Variants in PPID observed in about 807,000 individuals in gnomAD.
PPID encodes the protein peptidyl-prolyl cis-trans isomerase D.
A neutral mutation model predicts 48.1 loss-of-function variants in PPID; 47 were observed. That is an observed-to-expected ratio of 0.98 (90% confidence interval 0.77 to 1.25). The LOEUF is 1.25. Among genes scored for constraint, PPID ranks in the 50% most tolerant of loss-of-function variants. PPID has a pLI of 0.00. For missense variants in PPID, 429 were observed against 443.5 expected (o/e 0.97, Z 0.29); for synonymous variants, 163 against 148.8 (o/e 1.10, Z -0.69).
intron 1 of PPID, among the ~76,000 whole-genome samples, chr4:158,722,236 T>C (rs1774974550): frequency 6.6e-6 from 1 of 152,230 alleles, no homozygotes; most frequent in Non-Finnish European, 1.5e-5. Context: ...TACAAATAGT[T>C]TTAAATCCTG....
rs1774816024 is a variant in PPID, at chr4:158,713,119, C to G, written c.894G>C (p.Glu298Asp). The change falls in exon 7 of 10, where the codon GAG becomes GAC. Residue 298 changes from glutamate (E) to aspartate (D), a missense_variant and splice_region_variant. Transcript: ENST00000307720. ...AAAGTTCAAAATCAAACAGACTTACCTCTAAACAACTGTCAATTGCTCCCT... is the reference window on the plus strand; with the variant it reads ...AAAGTTCAAAATCAAACAGACTTACGTCTAAACAACTGTCAATTGCTCCCT... ...NWQGAIDSCL[E>D]ALELDPSNTK... The G allele has an allele frequency of 1.2e-6, 2 of 1,613,806 alleles. No homozygotes were observed. The highest frequency in any genetic ancestry group is 1.7e-5 in the Admixed American group (1 of 60,000).
rs1340569084 is a variant in PPID, at chr4:158,723,206, C to A, written c.83G>T (p.Arg28Leu). The A allele has an allele frequency of 6.2e-7, 1 of 1,613,116 alleles. No homozygotes were observed. Among genetic ancestry groups the A allele is most frequent in the Non-Finnish European group, 8.5e-7 (1 of 1,179,576 alleles). ...VFFDVDIGGE[R>L]VGRIVLELFA... ...CGCGAGCGTCAGACTCCGCTCACCT[C>A]GCTCCCCTCCGATGTCCACGTCAAA... The change falls in exon 1 of 10, where the codon CGA (arginine) becomes CTA (leucine). Residue 28 changes from arginine (R) to leucine (L), a missense_variant and splice_region_variant. By Grantham distance (102) the Arg-to-Leu change is moderately radical (BLOSUM62 -2). Transcript: ENST00000307720.
intron 2 of PPID, 148 bp downstream of exon 2, chr4:158,721,195 C>A (rs1774953093): frequency 2.2e-6 from 2 of 926,786 alleles, no homozygotes; most frequent in East Asian, 5.3e-5. Context: ...CACAGCCTAA[C>A]CTTTACGAAA....
intron 1 of PPID, 52 bp from the exon 2 acceptor site, chr4:158,721,535 G>A: frequency 6.4e-7 from 1 of 1,569,026 alleles, no homozygotes; most frequent in South Asian, 1.2e-5. Context: ...ATAGACAAAT[G>A]ATAAAAAGAA....
intron 3 of PPID, among the ~76,000 whole-genome samples, chr4:158,718,105 A>G (rs144795014): frequency 1.6e-3 from 246 of 152,274 alleles, no homozygotes; most frequent in African/African-American, 5.8e-3. Context: ...CCTTTTCTCT[A>G]TGTCAATGTG....
In PPID at chr4:158,715,703, A is replaced by T. The variant is rs865848748; in HGVS notation, c.523-19T>A. 4 of 1,599,048 alleles carry T rather than the reference A, an allele frequency of 2.5e-6. No homozygotes were observed. Among genetic ancestry groups the T allele is most frequent in the Non-Finnish European group, 3.4e-6 (4 of 1,166,524 alleles). ...CGCACAACTGTAAAAATAACCCTAAATTGTAGAAGTGCACTATCGTAATAA... is the reference window on the plus strand; with the variant it reads ...CGCACAACTGTAAAAATAACCCTAATTTGTAGAAGTGCACTATCGTAATAA... On this transcript the variant is annotated intron_variant, in intron 4 of 9. Coordinates refer to ENST00000307720, the MANE Select transcript of PPID (RefSeq NM_005038.3).
intron 9 of PPID, chr4:158,710,098 G>A (rs1466267361): frequency 2.3e-6 from 1 of 440,222 alleles, no homozygotes; most frequent in African/African-American, 2.0e-5. Context: ...TTAGTAATAA[G>A]AGACCAAAGA....
chr4:158,721,490 G>C lies in PPID; in HGVS notation c.86-7C>G, dbSNP rs1774959365. 10 of 1,611,142 alleles carry C rather than the reference G, an allele frequency of 6.2e-6. No homozygotes were observed. Among genetic ancestry groups the C allele is most frequent in the Non-Finnish European group, 8.5e-6 (10 of 1,179,080 alleles). On this transcript the variant is annotated splice_polypyrimidine_tract_variant and splice_region_variant and intron_variant, in intron 1 of 9. Coordinates refer to ENST00000307720, the MANE Select transcript of PPID (RefSeq NM_005038.3). ...TCTAAGACAATTCGACCAACTAAAA[G>C]AAAAGAAAATCTTGTCAGTATGCAA...
intron 9 of PPID, 90 bp downstream of exon 9, chr4:158,710,538 C>T: frequency 7.2e-7 from 1 of 1,387,500 alleles, no homozygotes; most frequent in Non-Finnish European, 1.0e-6. Flanking sequence ...GTTGAACAAA[C>T]ATCTAAAATC....
In PPID at chr4:158,715,404, C is replaced by A; in HGVS notation, c.646-1G>T. On this transcript the variant is annotated splice_acceptor_variant, in intron 5 of 9. Coordinates refer to ENST00000307720, the MANE Select transcript of PPID (RefSeq NM_005038.3). LOFTEE classifies it high-confidence loss of function. ...CTGTTATTAATAAAATTTTATCTAC[C>A]TGTATAAAAAAATACAAATATGTTG... The A allele has an allele frequency of 6.7e-7, 1 of 1,493,328 alleles. No homozygotes were observed. Among genetic ancestry groups the A allele is most frequent in the Non-Finnish European group, 9.0e-7 (1 of 1,114,882 alleles). 92.5% of individuals were successfully genotyped at this position (1,493,328 alleles called of 1,614,324 possible).
At position 158,719,266 on chromosome 4, in the gene PPID, G is replaced by C; in HGVS notation, c.247C>G (p.Gln83Glu). Reference sequence around the variant, plus strand: ...TTCTGATTTGAGAAGTCTCCACCCTGAATCATAAATTTCTTAATAACTACA... The same window carrying C: ...TTCTGATTTGAGAAGTCTCCACCCTCAATCATAAATTTCTTAATAACTACA... ...FHRIIKKFMI[Q>E]GGDFSNQNGT... The change falls in exon 3 of 10, where the codon CAG (glutamine) becomes GAG (glutamate). Residue 83 changes from glutamine (Q) to glutamate (E), a missense_variant. Coordinates refer to ENST00000307720, the MANE Select transcript of PPID (RefSeq NM_005038.3). 6.2e-7 allele frequency: 1 copy of C among 1,607,610 alleles called. No individual in the cohort carries two copies. Among genetic ancestry groups the C allele is most frequent in the Non-Finnish European group, 8.5e-7 (1 of 1,174,806 alleles).
rs552425983 is a variant in PPID, at chr4:158,718,482, A to C, written c.333+698T>G. Among the ~76,000 whole-genome samples the C allele has an allele frequency of 5.6e-4, 85 of 152,342 alleles. 1 individual carries two copies. Among genetic ancestry groups the C allele is most frequent in the Non-Finnish European group, 2.2e-4 (15 of 68,032 alleles). ...ATTCTCCAGTAGTCCCATGTATCTT[A>C]ATCTTGTCTCTGAGGTAGGATTATA... On this transcript the variant is annotated intron_variant, in intron 3 of 9. Transcript: ENST00000307720.
chr4:158,710,300 C>T (rs1036529812), intron 9 of PPID: 127 of 425,602 alleles, frequency 3.0e-4, no homozygotes, highest in Admixed American at 1.2e-4. Flanking sequence ...GAGCTCTCGA[C>T]TAGACTAACC....
Position 158,709,654 on chromosome 4 carries a change from G to T in PPID, c.*82C>A. ...AAGGTGTCAAAAGAAACACATTAGG[G>T]ATCATATTCATAGACAAAAACCTTT... On this transcript the variant is annotated 3_prime_UTR_variant, in exon 10 of 10. Transcript: ENST00000307720. 1 of 1,026,200 alleles carries T rather than the reference G, an allele frequency of 9.7e-7. No homozygotes were observed. Among genetic ancestry groups the T allele is most frequent in the Non-Finnish European group, 1.5e-6 (1 of 683,882 alleles). 63.6% of individuals were successfully genotyped at this position (1,026,200 alleles called of 1,614,324 possible). A position where few individuals can be genotyped will look rare whatever the true frequency, so the allele number is the denominator to read the frequency against.
intron 4 of PPID, 109 bp downstream of exon 4, chr4:158,716,903 G>T: frequency 9.0e-7 from 1 of 1,114,828 alleles, no homozygotes; most frequent in Non-Finnish European, 1.3e-6. Context: ...AGAGGCTGCA[G>T]TGAGCCGAGA....
At chr4:158,714,304 C>T (rs930193262) in intron 6 of PPID, among the ~76,000 whole-genome samples, 1 of 152,124 alleles carries the variant, frequency 6.6e-6, no homozygotes, top group Non-Finnish European at 1.5e-5. Context: ...TCAAACAGGC[C>T]AAAGCGAAAT....
intron 7 of PPID, 121 bp downstream of exon 7, chr4:158,712,998 G>A: frequency 9.7e-7 from 1 of 1,027,058 alleles, no homozygotes; most frequent in Non-Finnish European, 1.4e-6. Flanking sequence ...GAAACAAAAT[G>A]TTTTCTTAAG....
chr4:158,719,561 G>C (rs1236017197), intron 2 of PPID, among the ~76,000 whole-genome samples: 2 of 152,168 alleles, frequency 1.3e-5, no homozygotes, highest in African/African-American at 2.4e-5. Context: ...TCCCTAAGCT[G>C]TATGTCCTAA....
chr4:158,714,630 G>A (rs1198895893), intron 6 of PPID, among the ~76,000 whole-genome samples: 7 of 149,144 alleles, frequency 4.7e-5, no homozygotes, highest in African/African-American at 7.4e-5. Flanking sequence ...TCACTCTGTC[G>A]CCCAGGCTGG....
Sources: gnomAD v4.1 joint callset for allele counts (sites outside exome capture counted in the v4.1 genomes callset) on GRCh38, gnomAD v4.1.1 for gene constraint, MANE v1.5 for transcripts, NCBI Gene and HGNC (gene_info 2026-07-23, HGNC 2026-07-21) for gene names.